C8orf34: variants seen among roughly 807,000 people sequenced by gnomAD.
The protein encoded by C8orf34 is chromosome 8 open reading frame 34.
A neutral mutation model predicts 68.3 loss-of-function variants in C8orf34; 65 were observed. That is an observed-to-expected ratio of 0.95 (90% CI 0.78 to 1.17). The LOEUF (loss-of-function observed/expected upper bound fraction) is 1.17. C8orf34 is among the 50% of genes most tolerant of loss of function. The pLI, the probability that C8orf34 is intolerant of heterozygous loss-of-function variation, is 0.00. For synonymous variants in C8orf34, 244 were observed against 241.2 expected (o/e 1.01, Z -0.11); for missense variants, 664 against 655.4 (o/e 1.01, Z -0.14).
At chr8:68,618,905 A>G (rs941615959) in intron 7 of C8orf34, among the ~76,000 whole-genome samples, 41 of 152,184 alleles carry the variant, frequency 2.7e-4, no homozygotes, top group Non-Finnish European at 8.8e-5. Flanking sequence ...ATAGTTAAAG[A>G]TATAATATCT....
At chr8:68,640,630 T>C in intron 8 of C8orf34, 119 bp downstream of exon 8, 1 of 1,041,408 alleles carries the variant, frequency 9.6e-7, no homozygotes, top group Non-Finnish European at 1.4e-6. Flanking sequence ...CAGCGATCTT[T>C]TGTGCTAATA....
chr8:68,728,159 C>G (rs1821885296), intron 10 of C8orf34, among the ~76,000 whole-genome samples: 2 of 152,170 alleles, frequency 1.3e-5, no homozygotes, highest in African/African-American at 4.8e-5. Flanking sequence ...TAAATAGTCT[C>G]TCTCAAGTTC....
At chr8:68,769,897 G>C (rs1035106000) in intron 10 of C8orf34, among the ~76,000 whole-genome samples, 1 of 152,170 alleles carries the variant, frequency 6.6e-6, no homozygotes, top group African/African-American at 2.4e-5. Context: ...TACGTGCTTT[G>C]GTAAGGATAG....
chr8:68,810,876 G>A (rs1007946363), intron 12 of C8orf34, among the ~76,000 whole-genome samples: 4 of 152,182 alleles, frequency 2.6e-5, no homozygotes, highest in African/African-American at 9.6e-5. Context: ...GAGGAAGTGT[G>A]TACTGACTGG....
chr8:68,759,523 G>A (rs1188660830), intron 10 of C8orf34, among the ~76,000 whole-genome samples: 2 of 152,228 alleles, frequency 1.3e-5, no homozygotes, highest in Non-Finnish European at 2.9e-5. Context: ...TTTCTCAACA[G>A]TGAACTCTCA....
At chr8:68,760,174 G>A (rs1822982923) in intron 10 of C8orf34, among the ~76,000 whole-genome samples, 1 of 152,158 alleles carries the variant, frequency 6.6e-6, no homozygotes. Context: ...GCCTGCGGAG[G>A]CCACCCACAG....
chr8:68,367,907 G>GAAAAAAAAAAAAAAAAAAAA (rs1807360133), intron 1 of C8orf34, among the ~76,000 whole-genome samples: 3 of 15,034 alleles, frequency 2.0e-4, no homozygotes, highest in Non-Finnish European at 2.6e-4. Flanking sequence ...AATAAAAAAA[G>GAAAAAAAAAAAAAAAAAAAA]AAAAGAAAAA....
intron 8 of C8orf34, among the ~76,000 whole-genome samples, chr8:68,641,920 A>G (rs765892321): frequency 2.8e-4 from 42 of 152,354 alleles, no homozygotes; most frequent in Admixed American, 9.8e-4. Flanking sequence ...GGTGGCATGT[A>G]TTACTTTCTT....
At chr8:68,542,833 C>T (rs1815746427) in intron 7 of C8orf34, among the ~76,000 whole-genome samples, 1 of 152,096 alleles carries the variant, frequency 6.6e-6, no homozygotes, top group East Asian at 1.9e-4. Flanking sequence ...AGATTATTTG[C>T]TCATGGAGCT....
chr8:68,570,632 C>T (rs569972008), intron 7 of C8orf34, among the ~76,000 whole-genome samples: 7 of 152,206 alleles, frequency 4.6e-5, no homozygotes, highest in Non-Finnish European at 8.8e-5. Context: ...CCGATATTTC[C>T]CCTGCTAAGT....
intron 10 of C8orf34, among the ~76,000 whole-genome samples, chr8:68,723,711 T>C (rs149107215): frequency 6.6e-6 from 1 of 152,156 alleles, no homozygotes; most frequent in Non-Finnish European, 1.5e-5. Context: ...GGCCTAAACA[T>C]ATACCATTAG....
upstream of C8orf34, chr8:68,330,915 C>A: frequency 9.9e-7 from 1 of 1,006,726 alleles, no homozygotes; most frequent in Non-Finnish European, 1.3e-6. Flanking sequence ...CCTGCTGCTG[C>A]CGCCCAGAGG....
At chr8:68,431,311 A>G (rs912668740) in intron 1 of C8orf34, among the ~76,000 whole-genome samples, 2 of 152,226 alleles carry the variant, frequency 1.3e-5, no homozygotes, top group African/African-American at 4.8e-5. Flanking sequence ...AGGCTAAAAT[A>G]AAGTAATTTT....
intron 1 of C8orf34, among the ~76,000 whole-genome samples, chr8:68,338,322 G>A (rs1027988864): frequency 1.3e-5 from 2 of 152,098 alleles, no homozygotes; most frequent in African/African-American, 2.4e-5. Context: ...TTCTGAAGGG[G>A]CCACATTCAA....
chr8:68,407,138 T>C (rs1368897935), intron 1 of C8orf34, among the ~76,000 whole-genome samples: 1 of 152,164 alleles, frequency 6.6e-6, no homozygotes, highest in African/African-American at 2.4e-5. Context: ...TTACAAAATG[T>C]CAGGTTCTAT....
intron 10 of C8orf34, among the ~76,000 whole-genome samples, chr8:68,728,765 C>T (rs1821903412): frequency 6.6e-6 from 1 of 152,204 alleles, no homozygotes; most frequent in African/African-American, 2.4e-5. Flanking sequence ...AGATACAATT[C>T]AAGTTGAGAT....
chr8:68,555,263 TC>T (rs1317319311), intron 7 of C8orf34, among the ~76,000 whole-genome samples: 1 of 152,156 alleles, frequency 6.6e-6, no homozygotes. Context: ...TCTCTTAGTT[TC>T]CTCATCTGCA....
intron 5 of C8orf34, among the ~76,000 whole-genome samples, chr8:68,507,028 T>C (rs779468218): frequency 4.6e-5 from 7 of 152,184 alleles, no homozygotes; most frequent in Non-Finnish European, 1.0e-4. Flanking sequence ...TGGAGTTACA[T>C]TGTGTTTTAG....
At chr8:68,586,885 T>C (rs1379788714) in intron 7 of C8orf34, among the ~76,000 whole-genome samples, 3 of 152,124 alleles carry the variant, frequency 2.0e-5, no homozygotes, top group Non-Finnish European at 4.4e-5. Flanking sequence ...TTTTTACAAA[T>C]AAAGTTTTAT....
Sources: allele counts gnomAD v4.1 joint callset (sites outside exome capture counted in the v4.1 genomes callset), GRCh38; gene constraint gnomAD v4.1.1; transcripts MANE v1.5; gene names NCBI Gene and HGNC (gene_info 2026-07-23, HGNC 2026-07-21).